The following RAB27B variants were observed in gnomAD, a reference collection of about 807,000 sequenced individuals.
RAB27B encodes ras-related protein Rab-27B.
In RAB27B, 15 loss-of-function variants were observed where a neutral mutation model predicts 24.6. The ratio of observed to expected loss-of-function variants is 0.61; its 90% confidence interval spans 0.41 to 0.94. RAB27B has a LOEUF of 0.94. Ranked by LOEUF, RAB27B falls within the 40% of genes least tolerant of loss-of-function variation. The probability of loss-of-function intolerance (pLI) is 0.00; values close to 1 mark genes in which losing one functional copy is unlikely to be tolerated. For synonymous variants in RAB27B, 105 were observed against 92.5 expected (o/e 1.14, Z -0.78); for missense variants, 261 against 266.8 (o/e 0.98, Z 0.15).
At chr18:54,720,663 G>A (rs1281827817) in intron 2 of RAB27B, among the ~76,000 whole-genome samples, 1 of 152,066 alleles carries the variant, frequency 6.6e-6, no homozygotes, top group African/African-American at 2.4e-5. Context: ...CTGAGCATCT[G>A]TATAAGTAAG....
intron 2 of RAB27B, among the ~76,000 whole-genome samples, chr18:54,730,944 A>G (rs1909712195): frequency 6.6e-6 from 1 of 152,216 alleles, no homozygotes; most frequent in African/African-American, 2.4e-5. Flanking sequence ...GCTTTTGAGA[A>G]TCTAGAATTG....
At chr18:54,856,846 AGTATCTTT>A (rs1911804181) in intron 1 of RAB27B, among the ~76,000 whole-genome samples, 1 of 152,238 alleles carries the variant, frequency 6.6e-6, no homozygotes, top group Non-Finnish European at 1.5e-5. Context: ...GGGGAAGATT[AGTATCTTT>A]GTTTCGTAAA....
At chr18:54,720,462 C>T (rs1428723964) in intron 2 of RAB27B, among the ~76,000 whole-genome samples, 7 of 152,026 alleles carry the variant, frequency 4.6e-5, no homozygotes, top group South Asian at 2.1e-4. Context: ...AAAAGACAGA[C>T]AATATTCCCT....
intron 1 of RAB27B, among the ~76,000 whole-genome samples, chr18:54,872,401 G>A (rs1385437623): frequency 4.6e-5 from 7 of 152,076 alleles, no homozygotes; most frequent in East Asian, 1.9e-4. Context: ...CGAGGCGGGC[G>A]GATCACCTGA....
chr18:54,823,547 A>G (rs907836829), upstream of RAB27B, among the ~76,000 whole-genome samples: 7 of 152,220 alleles, frequency 4.6e-5, no homozygotes, highest in Non-Finnish European at 1.0e-4. Context: ...TTTAAAGCTT[A>G]CAAATGCTGG....
intron 2 of RAB27B, chr18:54,745,186 T>C: frequency 5.8e-6 from 1 of 171,204 alleles, no homozygotes; most frequent in Non-Finnish European, 1.3e-5. Flanking sequence ...GTCACACAGA[T>C]TCTCCTCTTT....
chr18:54,846,525 A>G (rs924290810), intron 1 of RAB27B, among the ~76,000 whole-genome samples: 4 of 152,250 alleles, frequency 2.6e-5, no homozygotes, highest in African/African-American at 9.6e-5. Context: ...TAAAAGAAGA[A>G]TAAAAAACAA....
intron 2 of RAB27B, among the ~76,000 whole-genome samples, chr18:54,801,795 C>A (rs1249182206): frequency 2.0e-5 from 3 of 152,166 alleles, no homozygotes; most frequent in African/African-American, 2.4e-5. Context: ...AGATTTGGGA[C>A]CTTTGATCTA....
intron 1 of RAB27B, among the ~76,000 whole-genome samples, chr18:54,844,706 C>A (rs1179538018): frequency 6.6e-6 from 1 of 152,110 alleles, no homozygotes; most frequent in Non-Finnish European, 1.5e-5. Context: ...TGTGCCTGGC[C>A]AAATTTAGGT....
chr18:54,785,458 T>TTC (rs1555656063), intron 2 of RAB27B, among the ~76,000 whole-genome samples: 131 of 147,444 alleles, frequency 8.9e-4, no homozygotes, highest in African/African-American at 2.5e-3. Context: ...TTTTTTTTTT[T>TTC]CCAAAATGCC....
intron 2 of RAB27B, among the ~76,000 whole-genome samples, chr18:54,751,159 A>G (rs945183579): frequency 5.3e-5 from 8 of 152,170 alleles, no homozygotes; most frequent in African/African-American, 1.4e-4. Context: ...AAGAAAGACA[A>G]TACTAGGAGC....
chr18:54,728,311 G>C (rs1270703065), intron 2 of RAB27B, among the ~76,000 whole-genome samples: 1 of 152,102 alleles, frequency 6.6e-6, no homozygotes. Context: ...CCCTCTCATG[G>C]GGGTGGCGTT....
rs558428125 is a variant in RAB27B, at chr18:54,738,987, A to T, written c.-20+20846A>T. Among the ~76,000 whole-genome samples, 8 of 152,148 alleles carry T rather than the reference A, an allele frequency of 5.3e-5. No individual in the cohort carries two copies. The South Asian group carries it at 8.3e-4, about 16-fold the overall frequency. On this transcript the variant is annotated intron_variant, in intron 2 of 4. Transcript: ENST00000586570. ...ACCCTAGCCTTGGGCTGCCTTTAATATGCTATTTGTCACTGCAAGTTGATT... is the reference window on the plus strand; with the variant it reads ...ACCCTAGCCTTGGGCTGCCTTTAATTTGCTATTTGTCACTGCAAGTTGATT...
At chr18:54,829,399 G>C (rs1910588187) in intron 1 of RAB27B, among the ~76,000 whole-genome samples, 1 of 152,156 alleles carries the variant, frequency 6.6e-6, no homozygotes, top group Middle Eastern at 3.2e-3. Context: ...GCTGTGTTTG[G>C]TTAGAGCCTT....
chr18:54,762,254 A>G (rs536713134), intron 2 of RAB27B, among the ~76,000 whole-genome samples: 1 of 152,284 alleles, frequency 6.6e-6, no homozygotes, highest in South Asian at 2.1e-4. Context: ...CAGTGGCACC[A>G]TCTTGGCTCA....
chr18:54,849,490 G>A (rs1225140966), intron 1 of RAB27B, among the ~76,000 whole-genome samples: 1 of 152,192 alleles, frequency 6.6e-6, no homozygotes, highest in Non-Finnish European at 1.5e-5. Flanking sequence ...GGCCGAGGGA[G>A]CGTGGATCAC....
chr18:54,718,288 C>T (rs970015925), intron 2 of RAB27B: 4 of 151,972 alleles, frequency 2.6e-5, no homozygotes, highest in Non-Finnish European at 5.9e-5. Context: ...TGACAGAAAC[C>T]GCTAATGATG....
intron 2 of RAB27B, 128 bp from the exon 3 acceptor site, chr18:54,879,241 A>G (rs1912824299): frequency 1.4e-6 from 1 of 697,916 alleles, no homozygotes; most frequent in African/African-American, 1.8e-5. Flanking sequence ...AAAATAAAGC[A>G]AATATTTATT....
chr18:54,819,409 G>T (rs1910224696), intron 2 of RAB27B, among the ~76,000 whole-genome samples: 1 of 149,440 alleles, frequency 6.7e-6, no homozygotes, highest in Non-Finnish European at 1.5e-5. Flanking sequence ...GCATGCAGCT[G>T]TAATCCTAGC....
Sources: allele counts gnomAD v4.1 joint callset (sites outside exome capture counted in the v4.1 genomes callset), GRCh38; gene constraint gnomAD v4.1.1; transcripts MANE v1.5; gene names NCBI Gene and HGNC (gene_info 2026-07-23, HGNC 2026-07-21).